FAM110B: variants seen among roughly 807,000 people sequenced by gnomAD.
FAM110B encodes protein FAM110B.
Under a neutral mutation model 20.4 loss-of-function variants are expected in FAM110B, and 6 were observed. That is an observed-to-expected ratio of 0.29 (90% CI 0.16 to 0.58). The LOEUF is 0.58. FAM110B is among the 20% of genes least tolerant of loss of function. The pLI, the probability that FAM110B is intolerant of heterozygous loss-of-function variation, is 0.90. For missense variants in FAM110B, 434 were observed against 498.2 expected (o/e 0.87, Z 1.23); for synonymous variants, 226 against 214.1 (o/e 1.06, Z -0.49).
intron 3 of FAM110B, among the ~76,000 whole-genome samples, chr8:58,105,111 C>T (rs1423623070): frequency 6.6e-6 from 1 of 151,516 alleles, no homozygotes; most frequent in Non-Finnish European, 1.5e-5. Flanking sequence ...CAGCATTGTC[C>T]TGTGTTAGGG....
intron 1 of FAM110B, among the ~76,000 whole-genome samples, chr8:58,013,813 C>T (rs1024162763): frequency 3.9e-5 from 6 of 152,218 alleles, no homozygotes; most frequent in East Asian, 3.8e-4. Context: ...GTGGTAGACT[C>T]AGGTACTCTC....
At chr8:58,067,929 A>C (rs942709810) in intron 2 of FAM110B, among the ~76,000 whole-genome samples, 3 of 152,222 alleles carry the variant, frequency 2.0e-5, no homozygotes, top group Admixed American at 6.5e-5. Context: ...TTCCAAAACA[A>C]ATACTGGGTC....
rs540042238 is a variant in FAM110B at position 58,075,063 on chromosome 8, C to G, written c.-413-472C>G. On this transcript the variant is annotated intron_variant, in intron 2 of 3. Coordinates refer to ENST00000519262, the MANE Select transcript of FAM110B (RefSeq NM_001377989.1). The stretch of plus-strand genomic sequence containing the variant: ...GTAAAAACTAATGCATTTTGGTGTA[C>G]TGACATGTTTGCTGTCTTTTTTTTT... 2.4e-4 allele frequency among the ~76,000 whole-genome samples: 36 copies of G among 151,954 alleles called. No individual in the cohort carries two copies. In the East Asian group the frequency reaches 6.4e-3, roughly 27 times the overall value.
rs1239324609 is a variant in FAM110B, at chr8:58,148,140, A to T, written c.*797A>T. The stretch of plus-strand genomic sequence containing the variant: ...CCTAAAACAAATACTGAATGCCTTT[A>T]AAAAAAAAAAAAGTTGTGGTTTTTT... On this transcript the variant is annotated 3_prime_UTR_variant, in exon 4 of 4. Coordinates refer to ENST00000519262, the MANE Select transcript of FAM110B (RefSeq NM_001377989.1). 3 of 11,582 alleles carry T rather than the reference A, an allele frequency of 2.6e-4. No individual in the cohort carries two copies. The highest frequency in any genetic ancestry group is 5.3e-4 in the Non-Finnish European group (3 of 5,672). The allele number at this position is 11,582 out of a possible 1,614,324, so 0.7% of individuals were successfully genotyped here.
Position 57,994,791 on chromosome 8 carries a change from G to A in FAM110B, c.-527G>A, listed in dbSNP as rs1237542759. On this transcript the variant is annotated 5_prime_UTR_variant, in exon 1 of 4. Coordinates refer to ENST00000519262, the MANE Select transcript of FAM110B (RefSeq NM_001377989.1). ...GGCTCGGGCCGCACCGCCAGGGACT[G>A]GGGTGAGCGGCCCAGGTAAGACTGG... The A allele has an allele frequency of 1.3e-5, 2 of 152,298 alleles. No homozygotes were observed. The highest frequency in any genetic ancestry group is 2.4e-5 in the African/African-American group (1 of 41,458). The allele number at this position is 152,298 out of a possible 1,614,324, so 9.4% of individuals were successfully genotyped here.
chr8:58,135,207 G>A (rs1803581605), intron 3 of FAM110B, among the ~76,000 whole-genome samples: 1 of 152,052 alleles, frequency 6.6e-6, no homozygotes, highest in Admixed American at 6.5e-5. Flanking sequence ...TGTAAAATGG[G>A]GATAACAACA....
intron 1 of FAM110B, among the ~76,000 whole-genome samples, chr8:58,023,312 A>G (rs956596168): frequency 3.3e-5 from 5 of 152,140 alleles, no homozygotes; most frequent in African/African-American, 4.8e-5. Flanking sequence ...CCTTACCCCT[A>G]TGTTTTTACT....
intron 3 of FAM110B, among the ~76,000 whole-genome samples, chr8:58,092,217 T>A (rs2150604190): frequency 6.6e-6 from 1 of 152,318 alleles, no homozygotes; most frequent in Non-Finnish European, 1.5e-5. Context: ...AATCTCAACA[T>A]CCTCATGGAG....
intron 3 of FAM110B, among the ~76,000 whole-genome samples, chr8:58,104,261 C>A (rs1290013199): frequency 6.6e-6 from 1 of 152,220 alleles, no homozygotes; most frequent in Admixed American, 6.5e-5. Flanking sequence ...GCATTTTCAA[C>A]CTCATCTGCA....
Position 58,054,094 on chromosome 8 carries a change from G to A in FAM110B, c.-413-21441G>A, listed in dbSNP as rs548341455. 2.4e-4 allele frequency among the ~76,000 whole-genome samples: 37 copies of A among 152,326 alleles called. 1 individual carries two copies. The highest frequency in any genetic ancestry group is 1.2e-3 in the Admixed American group (18 of 15,308). ...TTGGTTTGTATAGGTGGCTGCCTTT[G>A]ATTGGCCAAAACTCAGTGATTGACA... On this transcript the variant is annotated intron_variant, in intron 2 of 3. Transcript: ENST00000519262.
chr8:58,121,788 T>C (rs1207651539), intron 3 of FAM110B, among the ~76,000 whole-genome samples: 1 of 152,226 alleles, frequency 6.6e-6, no homozygotes, highest in Non-Finnish European at 1.5e-5. Context: ...TAATATTTCA[T>C]GTGTGCTCAT....
chr8:58,092,522 C>T (rs972832567), intron 3 of FAM110B, among the ~76,000 whole-genome samples: 8 of 152,216 alleles, frequency 5.3e-5, no homozygotes, highest in Admixed American at 2.0e-4. Flanking sequence ...TGTGTTAGTT[C>T]ACTGAGATTG....
intron 1 of FAM110B, among the ~76,000 whole-genome samples, chr8:57,999,044 T>TG (rs1804241570): frequency 6.6e-6 from 1 of 152,114 alleles, no homozygotes; most frequent in South Asian, 2.1e-4. Context: ...AGCCTTGTTT[T>TG]TTGTTGTTGT....
chr8:58,074,583 C>T (rs940970437), intron 2 of FAM110B, among the ~76,000 whole-genome samples: 9 of 152,158 alleles, frequency 5.9e-5, no homozygotes, highest in African/African-American at 1.9e-4. Context: ...ATATAAACTC[C>T]ATGAGATCAG....
At chr8:58,040,420 C>T (rs1034761567) in intron 2 of FAM110B, among the ~76,000 whole-genome samples, 22 of 152,264 alleles carry the variant, frequency 1.4e-4, no homozygotes, top group African/African-American at 5.1e-4. Flanking sequence ...CTCTCCCAGG[C>T]GTTGGCTTGT....
At chr8:58,063,620 G>T (rs1184595880) in intron 2 of FAM110B, among the ~76,000 whole-genome samples, 1 of 152,074 alleles carries the variant, frequency 6.6e-6, no homozygotes, top group Non-Finnish European at 1.5e-5. Flanking sequence ...CATCATGTTG[G>T]TGCTCAAAAA....
Position 58,146,491 on chromosome 8 carries a change from G to A in FAM110B, c.261G>A (p.Pro87=), listed in dbSNP as rs1234361762. Residue 87 remains proline (P), a synonymous_variant, in exon 4 of 4, where the codon CCG becomes CCA. Coordinates refer to ENST00000519262, the MANE Select transcript of FAM110B (RefSeq NM_001377989.1). ...PAVLAKPPVC[P]AAKRALGSPT... ...TGCTGGCCAAGCCCCCGGTGTGCCC[G>A]GCTGCCAAGCGCGCACTGGGCAGCC... 1.9e-6 allele frequency: 3 copies of A among 1,613,672 alleles called. No individual in the cohort carries two copies. In the South Asian group the frequency reaches 3.3e-5, roughly 18 times the overall value.
At chr8:58,006,924 T>TATATATA (rs6150600) in intron 1 of FAM110B, among the ~76,000 whole-genome samples, 3 of 110,976 alleles carry the variant, frequency 2.7e-5, no homozygotes, top group African/African-American at 7.5e-5. Flanking sequence ...TATATATATA[T>TATATATA]TTTTCCAAAA....
intron 3 of FAM110B, among the ~76,000 whole-genome samples, chr8:58,080,702 CAT>C (rs1318802697): frequency 2.0e-5 from 3 of 152,210 alleles, no homozygotes; most frequent in South Asian, 2.1e-4. Context: ...ATTCTGGTAT[CAT>C]GTGTGTGTAT....
Sources: allele counts gnomAD v4.1 joint callset (sites outside exome capture counted in the v4.1 genomes callset), GRCh38; gene constraint gnomAD v4.1.1; transcripts MANE v1.5; gene names NCBI Gene and HGNC (gene_info 2026-07-23, HGNC 2026-07-21).